GNG2: variants seen among roughly 807,000 people sequenced by gnomAD.
GNG2 encodes the protein G protein subunit gamma 2, also known as guanine nucleotide-binding protein G(I)/G(S)/G(O) subunit gamma-2.
In GNG2, 5 loss-of-function variants were observed where a neutral mutation model predicts 5.5. That is an observed-to-expected ratio of 0.91 (90% CI 0.48 to 1.92). GNG2 has a LOEUF of 1.92. GNG2 is among the 30% of genes most tolerant of loss of function. The probability of loss-of-function intolerance (pLI) is 0.01; values close to 1 mark genes in which losing one functional copy is unlikely to be tolerated. For synonymous variants in GNG2, 28 were observed against 32.0 expected, an observed-to-expected ratio of 0.88 and a Z score of 0.42; for missense variants, 55 against 88.4, an observed-to-expected ratio of 0.62 and a Z score of 1.52.
At chr14:51,901,829 A>T (rs1885582513) in intron 2 of GNG2, among the ~76,000 whole-genome samples, 1 of 152,146 alleles carries the variant, frequency 6.6e-6, no homozygotes, top group Non-Finnish European at 1.5e-5. Flanking sequence ...CCAGTAGTGC[A>T]GAGCCTGCAG....
At position 51,966,730 on chromosome 14, in the gene GNG2, T is replaced by C. The variant is rs1417114480; in HGVS notation, c.*43T>C. The C allele has an allele frequency of 6.3e-7, 1 of 1,588,790 alleles. No homozygotes were observed. Among genetic ancestry groups the C allele is most frequent in the East Asian group, 2.2e-5 (1 of 44,688 alleles). On this transcript the variant is annotated 3_prime_UTR_variant, in exon 4 of 4. Transcript: ENST00000556766. ...GAAGAGCCTCCGGGCTCCTGGGACA[T>C]TGATGTAGAGTTTTTAGTGAAGTGG...
chr14:51,874,313 T>C (rs1226732577), intron 1 of GNG2, among the ~76,000 whole-genome samples: 3 of 151,108 alleles, frequency 2.0e-5, no homozygotes, highest in African/African-American at 7.3e-5. Flanking sequence ...TACTCCCAGC[T>C]ACTTGGGAAG....
At chr14:51,855,144 C>A (rs1001816153) in intron 2 of GNG2, among the ~76,000 whole-genome samples, 9 of 152,170 alleles carry the variant, frequency 5.9e-5, no homozygotes, top group Non-Finnish European at 1.3e-4. Context: ...ACATTTCAGG[C>A]AATATCAGAG....
intron 3 of GNG2, among the ~76,000 whole-genome samples, chr14:51,961,572 C>T (rs556345576): frequency 1.3e-5 from 2 of 152,238 alleles, no homozygotes; most frequent in African/African-American, 4.8e-5. Context: ...ACTGTGAAAG[C>T]AATTTATAAT....
chr14:51,898,904 C>G (rs1047542481), intron 2 of GNG2, among the ~76,000 whole-genome samples: 6 of 152,176 alleles, frequency 3.9e-5, no homozygotes, highest in Non-Finnish European at 5.9e-5. Context: ...ATCCAGACCA[C>G]TCATTAATAA....
intron 2 of GNG2, among the ~76,000 whole-genome samples, chr14:51,880,165 G>A (rs1330036816): frequency 6.6e-6 from 1 of 152,146 alleles, no homozygotes; most frequent in Non-Finnish European, 1.5e-5. Flanking sequence ...AGACTTTTGG[G>A]TACTATAGGT....
At chr14:51,875,061 G>C (rs978916988) in intron 1 of GNG2, among the ~76,000 whole-genome samples, 3 of 152,170 alleles carry the variant, frequency 2.0e-5, no homozygotes, top group Non-Finnish European at 4.4e-5. Context: ...ATTGTTAGTT[G>C]AACTGCATGT....
chr14:51,884,297 A>G (rs1351692969), intron 2 of GNG2, among the ~76,000 whole-genome samples: 2 of 152,354 alleles, frequency 1.3e-5, no homozygotes, highest in East Asian at 3.9e-4. Flanking sequence ...CAGCTGAAGG[A>G]TGTTAATGTG....
At chr14:51,907,200 G>A (rs552651506) in intron 2 of GNG2, among the ~76,000 whole-genome samples, 1 of 152,322 alleles carries the variant, frequency 6.6e-6, no homozygotes, top group African/African-American at 2.4e-5. Context: ...ATGGTGCTAT[G>A]GGAGAAATTG....
intron 1 of GNG2, among the ~76,000 whole-genome samples, chr14:51,866,087 C>G (rs763213784): frequency 1.4e-4 from 22 of 152,184 alleles, no homozygotes; most frequent in Non-Finnish European, 3.2e-4. Flanking sequence ...AACAGTCAAG[C>G]TGTTAATGAA....
At chr14:51,898,784 C>T (rs1225817619) in intron 2 of GNG2, among the ~76,000 whole-genome samples, 1 of 152,218 alleles carries the variant, frequency 6.6e-6, no homozygotes, top group African/African-American at 2.4e-5. Context: ...AACCAAGGCA[C>T]TGTCCCCTTT....
intron 2 of GNG2, among the ~76,000 whole-genome samples, chr14:51,945,246 C>G (rs1004548449): frequency 6.6e-6 from 1 of 152,132 alleles, no homozygotes; most frequent in Non-Finnish European, 1.5e-5. Context: ...CTACCTTATT[C>G]ACAGTAGTCA....
chr14:51,909,448 A>G (rs1274374379), intron 2 of GNG2, among the ~76,000 whole-genome samples: 3 of 152,256 alleles, frequency 2.0e-5, no homozygotes, highest in African/African-American at 4.8e-5. Context: ...AAAAGTGCCA[A>G]TAACCTCTTC....
At chr14:51,903,588 A>G (rs1040763557) in intron 2 of GNG2, among the ~76,000 whole-genome samples, 4 of 152,206 alleles carry the variant, frequency 2.6e-5, no homozygotes, top group African/African-American at 9.7e-5. Flanking sequence ...TACTTTCCCT[A>G]TGGCAGTGAA....
intron 2 of GNG2, chr14:51,939,780 G>C (rs1304648713): frequency 6.6e-6 from 1 of 152,164 alleles, no homozygotes; most frequent in Non-Finnish European, 1.5e-5. Context: ...GTGCCATACA[G>C]GTCATAAAAT....
chr14:51,883,028 A>C (rs968974136), intron 2 of GNG2, among the ~76,000 whole-genome samples: 1 of 151,584 alleles, frequency 6.6e-6, no homozygotes, highest in Non-Finnish European at 1.5e-5. Flanking sequence ...AAAAAGAAAA[A>C]AAAAAAGAAA....
intron 2 of GNG2, among the ~76,000 whole-genome samples, chr14:51,905,810 G>T (rs1452560167): frequency 2.0e-5 from 3 of 152,216 alleles, no homozygotes. Flanking sequence ...GTTCTCACAA[G>T]ATCTGATGGT....
intron 2 of GNG2, chr14:51,827,870 C>T: frequency 3.2e-6 from 2 of 622,992 alleles, no homozygotes; most frequent in Admixed American, 5.5e-5. Context: ...AGTGTTTATT[C>T]TCTGAGGGAA....
chr14:51,929,264 A>G (rs188907442), intron 2 of GNG2, among the ~76,000 whole-genome samples: 117 of 152,270 alleles, frequency 7.7e-4, no homozygotes, highest in South Asian at 2.9e-3. Context: ...CTTTCCAGCT[A>G]TTTTAAATAG....
Sources: gnomAD v4.1 joint callset for allele counts (sites outside exome capture counted in the v4.1 genomes callset) on GRCh38, gnomAD v4.1.1 for gene constraint, MANE v1.5 for transcripts, NCBI Gene and HGNC (gene_info 2026-07-23, HGNC 2026-07-21) for gene names.